The following SPAG16 variants were observed in gnomAD, a reference collection of about 807,000 sequenced individuals.
The protein encoded by SPAG16 is sperm-associated antigen 16 protein.
Under a neutral mutation model 80.4 loss-of-function variants are expected in SPAG16, and 86 were observed. The observed-to-expected ratio is 1.07, with a 90% CI of 0.90 to 1.28. The LOEUF (loss-of-function observed/expected upper bound fraction) is 1.28, where lower values mean the gene tolerates loss of function less well. Among genes scored for constraint, SPAG16 ranks in the 50% most tolerant of loss-of-function variants. SPAG16 has a pLI of 0.00. For missense variants in SPAG16, 870 were observed against 765.3 expected (o/e 1.14, Z -1.61); for synonymous variants, 294 against 265.9 (o/e 1.11, Z -1.03).
intron 15 of SPAG16, among the ~76,000 whole-genome samples, chr2:214,394,186 C>T (rs1182061448): frequency 6.6e-6 from 1 of 152,096 alleles, no homozygotes; most frequent in Admixed American, 6.6e-5. Flanking sequence ...TCTCTCTGTG[C>T]CTCTTTTTTC....
chr2:213,768,721 T>A (rs2069083785), intron 10 of SPAG16, among the ~76,000 whole-genome samples: 1 of 152,204 alleles, frequency 6.6e-6, no homozygotes, highest in East Asian at 1.9e-4. Flanking sequence ...ATCACATATC[T>A]GGGTGTGTGG....
At chr2:213,898,646 G>T (rs1315146051) in intron 11 of SPAG16, among the ~76,000 whole-genome samples, 1 of 152,086 alleles carries the variant, frequency 6.6e-6, no homozygotes, top group African/African-American at 2.4e-5. Flanking sequence ...TGTTATCACT[G>T]CTTCTTTCTT....
intron 13 of SPAG16, among the ~76,000 whole-genome samples, chr2:214,044,294 A>T (rs1265522745): frequency 1.3e-5 from 2 of 152,172 alleles, no homozygotes; most frequent in Non-Finnish European, 2.9e-5. Flanking sequence ...TAATTTTGAG[A>T]AATGCTATAA....
In SPAG16 at chr2:213,403,806, C is replaced by T. The variant is rs535125782; in HGVS notation, c.942+28687C>T. On this transcript the variant is annotated intron_variant, in intron 9 of 15. Coordinates refer to ENST00000331683, the MANE Select transcript of SPAG16 (RefSeq NM_024532.5). ...ATGACATGATTGTATATCTAGAAAA[C>T]CTCGTCGTCTCAGCCCAAAATCTCC... 2.0e-4 allele frequency among the ~76,000 whole-genome samples: 31 copies of T among 152,248 alleles called. No homozygotes were observed. The South Asian group carries it at 6.4e-3, about 32-fold the overall frequency.
chr2:213,552,842 A>G (rs905683949), intron 10 of SPAG16, among the ~76,000 whole-genome samples: 11 of 152,154 alleles, frequency 7.2e-5, no homozygotes, highest in African/African-American at 2.7e-4. Context: ...TAGACTGGCT[A>G]AGTCTTCTGG....
intron 12 of SPAG16, among the ~76,000 whole-genome samples, chr2:213,930,439 C>T (rs1362061319): frequency 6.6e-6 from 1 of 152,116 alleles, no homozygotes; most frequent in African/African-American, 2.4e-5. Context: ...AGGATAGAAA[C>T]AAATACTTCT....
intron 11 of SPAG16, among the ~76,000 whole-genome samples, chr2:213,897,648 G>A (rs1026952363): frequency 3.3e-5 from 5 of 152,030 alleles, no homozygotes; most frequent in East Asian, 1.9e-4. Flanking sequence ...TGCATAGCTC[G>A]AGTGGGTAGC....
chr2:214,383,215 A>G (rs1700551286), intron 15 of SPAG16, among the ~76,000 whole-genome samples: 1 of 152,152 alleles, frequency 6.6e-6, no homozygotes, highest in African/African-American at 2.4e-5. Flanking sequence ...TTCTGATACT[A>G]TGAAGGCATA....
intron 11 of SPAG16, among the ~76,000 whole-genome samples, chr2:213,929,544 C>CA (rs1402808144): frequency 6.6e-6 from 1 of 152,156 alleles, no homozygotes; most frequent in African/African-American, 2.4e-5. Context: ...TAAACATAAG[C>CA]AATGCTGACT....
At chr2:214,405,743 G>C (rs533194509) in intron 15 of SPAG16, among the ~76,000 whole-genome samples, 42 of 152,278 alleles carry the variant, frequency 2.8e-4, no homozygotes, top group Admixed American at 1.2e-3. Context: ...GTTGCAGTGA[G>C]CCGAGATTGC....
At chr2:213,620,281 G>GTTTTTTTTTTTTT (rs36059669) in intron 10 of SPAG16, among the ~76,000 whole-genome samples, 2 of 82,804 alleles carry the variant, frequency 2.4e-5, no homozygotes, top group African/African-American at 1.1e-4. Flanking sequence ...AATTTATTGA[G>GTTTTTTTTTTTTT]TTTTTTTTTT....
At chr2:214,150,214 A>G (rs1236757316) in intron 15 of SPAG16, among the ~76,000 whole-genome samples, 2 of 152,072 alleles carry the variant, frequency 1.3e-5, no homozygotes, top group Non-Finnish European at 2.9e-5. Context: ...GTAATTCTAG[A>G]GCCAGAAGAT....
At chr2:213,942,941 G>A (rs1038872885) in intron 12 of SPAG16, among the ~76,000 whole-genome samples, 5 of 152,100 alleles carry the variant, frequency 3.3e-5, no homozygotes, top group Non-Finnish European at 5.9e-5. Flanking sequence ...TAGAGCCCTC[G>A]TGAATGAGAT....
intron 15 of SPAG16, among the ~76,000 whole-genome samples, chr2:214,299,243 CTTTTTTT>C (rs33961996): frequency 1.7e-5 from 1 of 57,686 alleles, no homozygotes; most frequent in Non-Finnish European, 3.1e-5. Context: ...GTGTAGTATA[CTTTTTTT>C]TTTTTTTTTT....
chr2:213,524,125 G>T (rs2075791170), intron 10 of SPAG16, among the ~76,000 whole-genome samples: 1 of 152,172 alleles, frequency 6.6e-6, no homozygotes, highest in South Asian at 2.1e-4. Flanking sequence ...TAGGGACTTG[G>T]TGCCTTGTGT....
intron 15 of SPAG16, among the ~76,000 whole-genome samples, chr2:214,268,055 CA>C (rs1401567804): frequency 6.6e-6 from 1 of 151,544 alleles, no homozygotes; most frequent in Non-Finnish European, 1.5e-5. Context: ...TACAAATTGC[CA>C]ACAGATACAT....
At chr2:213,749,444 A>G (rs2067983520) in intron 10 of SPAG16, among the ~76,000 whole-genome samples, 1 of 152,154 alleles carries the variant, frequency 6.6e-6, no homozygotes, top group Admixed American at 6.6e-5. Context: ...GGTGGGGTAG[A>G]TTAGAAGCTT....
intron 9 of SPAG16, among the ~76,000 whole-genome samples, chr2:213,388,451 A>T (rs1243922354): frequency 1.3e-5 from 2 of 152,206 alleles, no homozygotes; most frequent in Non-Finnish European, 2.9e-5. Flanking sequence ...GCAACTGCAT[A>T]TATGGGGAAA....
chr2:214,141,706 G>A (rs1028304005), intron 14 of SPAG16, among the ~76,000 whole-genome samples: 1 of 151,946 alleles, frequency 6.6e-6, no homozygotes, highest in African/African-American at 2.4e-5. Flanking sequence ...GTACAATGAG[G>A]ACATTATCCC....
Sources: gnomAD v4.1 joint callset for allele counts (sites outside exome capture counted in the v4.1 genomes callset) on GRCh38, gnomAD v4.1.1 for gene constraint, MANE v1.5 for transcripts, NCBI Gene and HGNC (gene_info 2026-07-23, HGNC 2026-07-21) for gene names.